Variants in ULK4 observed in about 807,000 individuals in gnomAD.
ULK4 encodes inactive serine/threonine-protein kinase ULK4.
Under a neutral mutation model 160.6 loss-of-function variants are expected in ULK4, and 133 were observed. That is an observed-to-expected ratio of 0.83 (90% confidence interval 0.72 to 0.96). The LOEUF is 0.96. ULK4 is among the 40% of genes least tolerant of loss of function. ULK4 has a pLI of 0.00. For synonymous variants in ULK4, 534 were observed against 539.8 expected, an observed-to-expected ratio of 0.99 and a Z score of 0.15; for missense variants, 1,580 against 1,499.5, an observed-to-expected ratio of 1.05 and a Z score of -0.89.
intron 21 of ULK4, among the ~76,000 whole-genome samples, chr3:41,787,424 T>C (rs1307721124): frequency 1.3e-5 from 2 of 152,072 alleles, no homozygotes; most frequent in South Asian, 2.1e-4. Context: ...CACCCAGCAG[T>C]AATGAGGAGC....
chr3:41,361,065 G>T (rs2081132936), intron 35 of ULK4, among the ~76,000 whole-genome samples: 1 of 152,156 alleles, frequency 6.6e-6, no homozygotes, highest in South Asian at 2.1e-4. Context: ...TCTGCTATGG[G>T]ATGTCCTTGA....
intron 27 of ULK4, among the ~76,000 whole-genome samples, chr3:41,695,700 C>T (rs1030733576): frequency 3.3e-5 from 5 of 151,940 alleles, no homozygotes; most frequent in South Asian, 4.1e-4. Flanking sequence ...ATCCAGGTGC[C>T]GAGGCAAGAG....
chr3:41,476,163 A>G (rs749741909), intron 32 of ULK4, among the ~76,000 whole-genome samples: 1 of 152,140 alleles, frequency 6.6e-6, no homozygotes, highest in Non-Finnish European at 1.5e-5. Flanking sequence ...CTAAGGGTAC[A>G]AAGAGAGAGG....
At chr3:41,743,690 G>A (rs951075503) in intron 22 of ULK4, among the ~76,000 whole-genome samples, 1 of 151,798 alleles carries the variant, frequency 6.6e-6, no homozygotes, top group Non-Finnish European at 1.5e-5. Context: ...TTTTGAGAGG[G>A]AGCCTTGCTC....
At chr3:41,618,857 G>A (rs796954833) in intron 30 of ULK4, among the ~76,000 whole-genome samples, 1 of 151,918 alleles carries the variant, frequency 6.6e-6, no homozygotes, top group Non-Finnish European at 1.5e-5. Flanking sequence ...AAGACCCATT[G>A]GGGTGCTGTA....
chr3:41,568,686 TC>T (rs1377364149), intron 31 of ULK4, among the ~76,000 whole-genome samples: 3 of 152,176 alleles, frequency 2.0e-5, no homozygotes, highest in Non-Finnish European at 4.4e-5. Flanking sequence ...TCAGTAATAA[TC>T]AACACAGGAG....
chr3:41,719,855 T>C (rs1444730648), intron 22 of ULK4, among the ~76,000 whole-genome samples: 1 of 152,186 alleles, frequency 6.6e-6, no homozygotes, highest in Non-Finnish European at 1.5e-5. Context: ...CTCCCTATCA[T>C]GAACTTCACG....
Position 41,853,536 on chromosome 3 carries a change from T to G in ULK4, c.1657-17565A>C, listed in dbSNP as rs976472623. On this transcript the variant is annotated intron_variant, in intron 17 of 36. Transcript: ENST00000301831. ...AGGGTTAGATCACGTACCCTACACT[T>G]AAAGAATAAACTATGTTCTAACTGC... Among the ~76,000 whole-genome samples, 35 of 152,140 alleles carry G rather than the reference T, an allele frequency of 2.3e-4. 1 individual carries two copies. Among genetic ancestry groups the G allele is most frequent in the Admixed American group, 2.3e-3 (35 of 15,270 alleles).
At chr3:41,871,794 T>C (rs1258760025) in intron 17 of ULK4, among the ~76,000 whole-genome samples, 4 of 152,226 alleles carry the variant, frequency 2.6e-5, no homozygotes, top group Non-Finnish European at 5.9e-5. Context: ...TTTTTCATCA[T>C]CTTAACAGGG....
intron 30 of ULK4, among the ~76,000 whole-genome samples, chr3:41,639,240 T>C (rs76956788): frequency 2.7e-3 from 410 of 152,256 alleles, no homozygotes; most frequent in African/African-American, 9.3e-3. Flanking sequence ...ACACAAAATA[T>C]AACGACACCA....
intron 22 of ULK4, among the ~76,000 whole-genome samples, chr3:41,746,272 C>CAAAAAAAAAAAAAAAAAAAAAAAAAAAAA (rs34582395): frequency 2.2e-5 from 1 of 45,718 alleles, no homozygotes; most frequent in African/African-American, 1.1e-4. Context: ...CTGGAACCCA[C>CAAAAAAAAAAAAAAAAAAAAAAAAAAAAA]AAAAAAAAAA....
chr3:41,265,907 T>C lies in ULK4; in HGVS notation c.3679-16333A>G, dbSNP rs180774377. Among the ~76,000 whole-genome samples the C allele has an allele frequency of 2.0e-5, 3 of 152,292 alleles. No individual in the cohort carries two copies. The East Asian group carries it at 5.8e-4, about 29-fold the overall frequency. On this transcript the variant is annotated intron_variant, in intron 35 of 36. Transcript: ENST00000301831. The stretch of plus-strand genomic sequence containing the variant: ...ACAGCTTGGTGGTGACAAGTAGCTA[T>C]GTGTGTGGTAGGGGCTTGGAAAACT...
intron 35 of ULK4, among the ~76,000 whole-genome samples, chr3:41,265,153 C>T (rs1282709123): frequency 6.6e-6 from 1 of 152,226 alleles, no homozygotes; most frequent in Non-Finnish European, 1.5e-5. Context: ...GGACTGGGCA[C>T]CGAGCCTCAG....
At chr3:41,492,944 T>C (rs2084842321) in intron 32 of ULK4, among the ~76,000 whole-genome samples, 1 of 144,824 alleles carries the variant, frequency 6.9e-6, no homozygotes, top group South Asian at 2.3e-4. Context: ...CTGAGTGAAC[T>C]ACAAAGAGAC....
At position 41,474,803 on chromosome 3, in the gene ULK4, T is replaced by A. The variant is rs186527233; in HGVS notation, c.3227-11550A>T. Among the ~76,000 whole-genome samples the A allele has an allele frequency of 3.7e-5, 5 of 136,698 alleles. No homozygotes were observed. The South Asian group carries it at 1.3e-3, about 34-fold the overall frequency. The allele number at this position is 136,698 out of a possible 152,430, so 89.7% of individuals were successfully genotyped here. On this transcript the variant is annotated intron_variant, in intron 32 of 36. Transcript: ENST00000301831. Reference sequence around the variant, plus strand: ...CCACAAGGAGATATCACCTTACATCTGTCAGAATGATTATTATTAAAAAAA... The same window carrying A: ...CCACAAGGAGATATCACCTTACATCAGTCAGAATGATTATTATTAAAAAAA...
chr3:41,907,078 G>C (rs1407568321), intron 12 of ULK4, among the ~76,000 whole-genome samples: 1 of 152,122 alleles, frequency 6.6e-6, no homozygotes, highest in Non-Finnish European at 1.5e-5. Context: ...TCCATTTATA[G>C]AAAATGCACA....
intron 31 of ULK4, among the ~76,000 whole-genome samples, chr3:41,597,023 T>TA (rs2031739664): frequency 6.6e-6 from 1 of 152,076 alleles, no homozygotes; most frequent in Non-Finnish European, 1.5e-5. Flanking sequence ...CTGTTGCAGC[T>TA]CCCTTGGGTT....
intron 7 of ULK4, 35 bp downstream of exon 7, chr3:41,918,422 T>C (rs1274232969): frequency 2.1e-6 from 3 of 1,445,408 alleles, no homozygotes; most frequent in East Asian, 4.7e-5. Context: ...CAGTGTAAAA[T>C]GTAAATTAAT....
At chr3:41,541,056 C>T (rs567941384) in intron 32 of ULK4, among the ~76,000 whole-genome samples, 9 of 152,152 alleles carry the variant, frequency 5.9e-5, no homozygotes, top group Middle Eastern at 3.4e-3. Context: ...TGTCAATTTT[C>T]GCTTTTGTTG....
Sources: gnomAD v4.1 joint callset for allele counts (sites outside exome capture counted in the v4.1 genomes callset) on GRCh38, gnomAD v4.1.1 for gene constraint, MANE v1.5 for transcripts, NCBI Gene and HGNC (gene_info 2026-07-23, HGNC 2026-07-21) for gene names.